Variants in C10orf90 observed in about 807,000 individuals in gnomAD.
The protein encoded by C10orf90 is (E2-independent) E3 ubiquitin-conjugating enzyme FATS.
C10orf90 carries 56 observed loss-of-function variants against 62.5 expected under a neutral mutation model. The ratio of observed to expected loss-of-function variants is 0.90; its 90% CI spans 0.72 to 1.12. The LOEUF is 1.12. C10orf90 is among the 50% of genes most tolerant of loss of function. The probability of loss-of-function intolerance (pLI) is 0.00; values close to 1 mark genes in which losing one functional copy is unlikely to be tolerated. For missense variants in C10orf90, 970 were observed against 880.4 expected, an observed-to-expected ratio of 1.10 and a Z score of -1.29; for synonymous variants, 386 against 340.4, an observed-to-expected ratio of 1.13 and a Z score of -1.47.
At chr10:126,635,191 G>T (rs908032859) in intron 2 of C10orf90, among the ~76,000 whole-genome samples, 1 of 152,162 alleles carries the variant, frequency 6.6e-6, no homozygotes, top group Non-Finnish European at 1.5e-5. Context: ...TGGTATGAAG[G>T]TTCTAAAAGA....
At chr10:126,652,809 T>C (rs1389586409) in intron 1 of C10orf90, among the ~76,000 whole-genome samples, 1 of 152,214 alleles carries the variant, frequency 6.6e-6, no homozygotes, top group African/African-American at 2.4e-5. Context: ...CCCAGATTAC[T>C]TAAGTATTCC....
chr10:126,537,183 C>A (rs775109452), intron 2 of C10orf90, among the ~76,000 whole-genome samples: 2 of 152,070 alleles, frequency 1.3e-5, no homozygotes, highest in Non-Finnish European at 2.9e-5. Context: ...AGAAAAATAG[C>A]CCAGAAGCAA....
At chr10:126,485,562 G>A (rs1861384677) in intron 4 of C10orf90, among the ~76,000 whole-genome samples, 1 of 152,088 alleles carries the variant, frequency 6.6e-6, no homozygotes, top group Non-Finnish European at 1.5e-5. Context: ...ATTCTAGTGG[G>A]AAAAATAGAT....
At chr10:126,545,822 G>C (rs575435084) in intron 2 of C10orf90, among the ~76,000 whole-genome samples, 1 of 151,944 alleles carries the variant, frequency 6.6e-6, no homozygotes. Context: ...GGTTCTTCTC[G>C]GGGAGGGCAG....
At chr10:126,628,031 G>A (rs934196677) in intron 2 of C10orf90, among the ~76,000 whole-genome samples, 14 of 152,154 alleles carry the variant, frequency 9.2e-5, no homozygotes, top group African/African-American at 3.4e-4. Flanking sequence ...AAAGTGCATG[G>A]AATTATACCC....
At chr10:126,607,571 A>G (rs58069870) in intron 2 of C10orf90, among the ~76,000 whole-genome samples, 18 of 152,318 alleles carry the variant, frequency 1.2e-4, no homozygotes, top group African/African-American at 4.3e-4. Context: ...TGCCTCCTTT[A>G]TCCTGACAGA....
At chr10:126,655,949 T>G (rs1846388421) in intron 1 of C10orf90, among the ~76,000 whole-genome samples, 1 of 152,152 alleles carries the variant, frequency 6.6e-6, no homozygotes, top group Admixed American at 6.5e-5. Flanking sequence ...ATTTGGTATA[T>G]TTTACCACTG....
chr10:126,558,055 A>G (rs1004636369), intron 2 of C10orf90, among the ~76,000 whole-genome samples: 2 of 152,060 alleles, frequency 1.3e-5, no homozygotes, highest in African/African-American at 4.8e-5. Flanking sequence ...TTCACTCTCC[A>G]GGCCTCACAG....
chr10:126,644,595 T>C (rs1019788863), intron 2 of C10orf90, among the ~76,000 whole-genome samples: 53 of 152,272 alleles, frequency 3.5e-4, no homozygotes, highest in African/African-American at 1.2e-3. Context: ...CAACCCAGGG[T>C]TGCCTGAACA....
intron 2 of C10orf90, among the ~76,000 whole-genome samples, chr10:126,536,106 C>T (rs572920517): frequency 1.3e-4 from 20 of 152,292 alleles, no homozygotes; most frequent in African/African-American, 4.8e-4. Context: ...TCTGTGGCCA[C>T]GGTGCACTGC....
chr10:126,429,609 A>G (rs1340847267), intron 8 of C10orf90, among the ~76,000 whole-genome samples, 178 bp downstream of exon 8: 4 of 152,188 alleles, frequency 2.6e-5, no homozygotes, highest in African/African-American at 9.7e-5. Context: ...ATTAACATTC[A>G]AAAGCACATT....
At chr10:126,582,988 T>C (rs1382471559) in intron 2 of C10orf90, among the ~76,000 whole-genome samples, 3 of 152,244 alleles carry the variant, frequency 2.0e-5, no homozygotes, top group Admixed American at 6.5e-5. Flanking sequence ...TATTTGGTTC[T>C]GGATAATTCT....
intron 2 of C10orf90, among the ~76,000 whole-genome samples, chr10:126,542,849 A>G (rs1864408292): frequency 6.6e-6 from 1 of 152,182 alleles, no homozygotes. Context: ...GTACATACAC[A>G]TACCTTGTGA....
At chr10:126,535,416 C>G (rs1335392069) in intron 2 of C10orf90, among the ~76,000 whole-genome samples, 1 of 151,340 alleles carries the variant, frequency 6.6e-6, no homozygotes, top group African/African-American at 2.4e-5. Flanking sequence ...ACGTGGGAGG[C>G]TGAGGTAGGA....
intron 1 of C10orf90, among the ~76,000 whole-genome samples, chr10:126,649,034 G>GTCTCTGTCTC (rs1483691899): frequency 5.6e-4 from 15 of 26,606 alleles, no homozygotes; most frequent in Non-Finnish European, 7.6e-4. Context: ...CTCTGTCTCT[G>GTCTCTGTCTC]TCTCTCTCTC....
At chr10:126,659,930 C>T (rs1283514745) in intron 1 of C10orf90, among the ~76,000 whole-genome samples, 2 of 152,254 alleles carry the variant, frequency 1.3e-5, no homozygotes, top group Non-Finnish European at 2.9e-5. Context: ...TAATGCATCC[C>T]ACAAACGTCT....
At position 126,453,699 on chromosome 10, in the gene C10orf90, CTGAGAGA is replaced by C. The variant is rs1227121601; in HGVS notation, c.2188+5334_2188+5340del. The stretch of plus-strand genomic sequence containing the variant: ...CAGTAATTCATAACAAAGTGCTCGG[CTGAGAGA>C]TGAAAGCCACCAGAGCCCAGCTCAG... On this transcript the variant is annotated intron_variant, in intron 7 of 9. Transcript: ENST00000488181. This position sits in a 1 kb window ranked among gnomAD's most constrained non-coding sequence, Gnocchi z 4.9. Among the ~76,000 whole-genome samples the C allele has an allele frequency of 2.6e-5, 4 of 152,036 alleles. No individual in the cohort carries two copies. The highest frequency in any genetic ancestry group is 1.3e-4 in the Admixed American group (2 of 15,262).
intron 2 of C10orf90, among the ~76,000 whole-genome samples, chr10:126,544,183 T>C (rs531739732): frequency 6.6e-6 from 1 of 152,370 alleles, no homozygotes; most frequent in South Asian, 2.1e-4. Flanking sequence ...CTTTTCGAGA[T>C]GGACCTGGCC....
chr10:126,551,868 C>G (rs1020405223), intron 2 of C10orf90, among the ~76,000 whole-genome samples: 6 of 152,168 alleles, frequency 3.9e-5, no homozygotes, highest in African/African-American at 1.4e-4. Context: ...TTGGTAAAAC[C>G]ACAAAAAGCA....
Sources: gnomAD v4.1 joint callset for allele counts (sites outside exome capture counted in the v4.1 genomes callset) on GRCh38, gnomAD v4.1.1 for gene constraint, Gnocchi (gnomAD v3.1) non-coding constraint, MANE v1.5 for transcripts, NCBI Gene and HGNC (gene_info 2026-07-23, HGNC 2026-07-21) for gene names.